TWNK: variants seen among roughly 807,000 people sequenced by gnomAD.
TWNK encodes the protein twinkle mtDNA helicase.
Under a neutral mutation model 58.2 loss-of-function variants are expected in TWNK, and 36 were observed. The observed-to-expected ratio is 0.62, with a 90% CI of 0.47 to 0.82. The LOEUF (loss-of-function observed/expected upper bound fraction) is 0.82, where lower values mean the gene tolerates loss of function less well. TWNK is among the 40% of genes least tolerant of loss of function. The pLI, the probability that TWNK is intolerant of heterozygous loss-of-function variation, is 0.00. For synonymous variants in TWNK, 349 were observed against 348.5 expected (o/e 1.00, Z -0.02); for missense variants, 714 against 881.0 (o/e 0.81, Z 2.40).
intron 2 of TWNK, among the ~76,000 whole-genome samples, 167 bp from the exon 3 acceptor site, chr10:100,990,269 C>T (rs1851732128): frequency 6.6e-6 from 1 of 152,314 alleles, no homozygotes; most frequent in South Asian, 2.1e-4. Flanking sequence ...GCTGTGATCA[C>T]ACCACTGCAC....
chr10:100,989,852 T>C lies in TWNK; in HGVS notation c.1452T>C (p.Tyr484=), dbSNP rs1253974186. 6.2e-7 allele frequency: 1 copy of C among 1,614,198 alleles called. No homozygotes were observed. Among genetic ancestry groups the C allele is most frequent in the Non-Finnish European group, 8.5e-7 (1 of 1,180,030 alleles). Residue 484 remains tyrosine (Y), a synonymous_variant, in exon 2 of 5, where the codon TAT becomes TAC. Transcript: ENST00000311916. The surrounding 1 kb of genome is among the most constrained non-coding windows in gnomAD (Gnocchi z 7.6). The part of the protein sequence containing the change: ...WADRFEDLPL[Y]FMTFHGQQSI... ...ACCGCTTTGAGGACCTGCCCCTCTA[T>C]TTCATGACTTTCCATGGACAGCAAA...
At position 100,989,747 on chromosome 10, in the gene TWNK, G is replaced by C. The variant is rs1213255334; in HGVS notation, c.1347G>C (p.Val449=). ...TLWGSFEISN[V]RLARVMLTQF... is the part of the protein sequence containing the mutation. ...GGGGTAGCTTCGAGATCAGCAATGTGAGACTAGCCCGGGTCATGCTGACAC... is the reference window on the plus strand; with the variant it reads ...GGGGTAGCTTCGAGATCAGCAATGTCAGACTAGCCCGGGTCATGCTGACAC... Residue 449 remains valine, a synonymous_variant, in exon 2 of 5, where the codon GTG becomes GTC. Coordinates refer to ENST00000311916, the MANE Select transcript of TWNK (RefSeq NM_021830.5). This position sits in a 1 kb window ranked among gnomAD's most constrained non-coding sequence, Gnocchi z 7.6. 2 of 1,614,232 alleles carry C rather than the reference G, an allele frequency of 1.2e-6. No homozygotes were observed. Among genetic ancestry groups the C allele is most frequent in the East Asian group, 2.2e-5 (1 of 44,882 alleles).
At chr10:100,992,752 G>A (rs1851816364) in intron 4 of TWNK, among the ~76,000 whole-genome samples, 1 of 151,806 alleles carries the variant, frequency 6.6e-6, no homozygotes, top group Admixed American at 6.6e-5. Context: ...CTTTGGTCAT[G>A]GGGGGAAGTA....
chr10:100,993,530 A>G lies in TWNK; in HGVS notation c.*20A>G. On this transcript the variant is annotated 3_prime_UTR_variant, in exon 5 of 5. Transcript: ENST00000311916. ...AAGTGAAGGCCGTGCAGAGCTGGTC[A>G]CTGAAATGAGCCTGATAGGATAGGC... 3 of 1,613,668 alleles carry G rather than the reference A, an allele frequency of 1.9e-6. No homozygotes were observed. The highest frequency in any genetic ancestry group is 1.1e-5 in the South Asian group (1 of 91,062).
At position 100,993,802 on chromosome 10, in the gene TWNK, G is replaced by C. The variant is rs1949318440; in HGVS notation, c.*292G>C. The C allele has an allele frequency of 2.1e-6, 1 of 470,412 alleles. No homozygotes were observed. The highest frequency in any genetic ancestry group is 3.8e-5 in the East Asian group (1 of 26,146). The allele number at this position is 470,412 out of a possible 1,614,324, so 29.1% of individuals were successfully genotyped here. On this transcript the variant is annotated 3_prime_UTR_variant, in exon 5 of 5. Coordinates refer to ENST00000311916, the MANE Select transcript of TWNK (RefSeq NM_021830.5). ...AGACAAGCAAGCAATGAACAAATTA[G>C]CAGAAAACCTAGTTTTAGTGAAAAA... is the stretch of plus-strand genomic sequence containing the variant.
Position 100,988,825 on chromosome 10 carries a change from C to T in TWNK, c.615C>T (p.Val205=). The change falls in exon 1 of 5, where the codon GTC becomes GTT. Residue 205 remains valine, a synonymous_variant. Transcript: ENST00000311916. The surrounding 1 kb of genome is among the most constrained non-coding windows in gnomAD (Gnocchi z 5.2). ...ATCTGCGACCTGCTCGCAGTCTTGTCTTCCCTTGGTTCTCCCCTGGGGGCT... is the reference window on the plus strand; with the variant it reads ...ATCTGCGACCTGCTCGCAGTCTTGTTTTCCCTTGGTTCTCCCCTGGGGGCT... The part of the protein sequence containing the change: ...VRYLRPARSL[V]FPWFSPGGSG... The T allele has an allele frequency of 6.2e-7, 1 of 1,614,206 alleles. No homozygotes were observed. Among genetic ancestry groups the T allele is most frequent in the Admixed American group, 1.7e-5 (1 of 60,030 alleles).
intron 3 of TWNK, 85 bp downstream of exon 3, chr10:100,990,628 C>T: frequency 1.9e-6 from 3 of 1,610,858 alleles, no homozygotes; most frequent in South Asian, 1.1e-5. Context: ...TCTAGGCACA[C>T]ATGCTGTGCT....
At position 100,988,809 on chromosome 10, in the gene TWNK, C is replaced by T; in HGVS notation, c.599C>T (p.Pro200Leu). The change falls in exon 1 of 5, where the codon CCT (proline) becomes CTT (leucine). Residue 200 changes from proline to leucine, a missense_variant. Around this residue, in one of 3 missense-constraint regions of TWNK, gnomAD observed 348 missense variants for 388.4 expected, o/e 0.90. Coordinates refer to ENST00000311916, the MANE Select transcript of TWNK (RefSeq NM_021830.5). This position sits in a 1 kb window ranked among gnomAD's most constrained non-coding sequence, Gnocchi z 5.2. ...CGTTTCAGTGTGCGATATCTGCGACCTGCTCGCAGTCTTGTCTTCCCTTGG... is the reference window on the plus strand; with the variant it reads ...CGTTTCAGTGTGCGATATCTGCGACTTGCTCGCAGTCTTGTCTTCCCTTGG... ...LKRFSVRYLRPARSLVFPWFS... is the reference protein window; with the variant it reads ...LKRFSVRYLRLARSLVFPWFS... 1 of 1,614,212 alleles carries T rather than the reference C, an allele frequency of 6.2e-7. No individual in the cohort carries two copies. Among genetic ancestry groups the T allele is most frequent in the Non-Finnish European group, 8.5e-7 (1 of 1,180,040 alleles).
Position 100,988,300 on chromosome 10 carries a change from C to G in TWNK, c.90C>G (p.Asn30Lys). Residue 30 changes from asparagine to lysine, a missense_variant, in exon 1 of 5, where the codon AAC (asparagine) becomes AAG (lysine). This residue lies in a region of TWNK where 348 missense variants were observed against 388.4 expected (regional missense o/e 0.90). Coordinates refer to ENST00000311916, the MANE Select transcript of TWNK (RefSeq NM_021830.5). This position sits in a 1 kb window ranked among gnomAD's most constrained non-coding sequence, Gnocchi z 5.2. ...TGGGTCGGAGGGGCCTGCCCCGAAACTTGGCCCCAGGCCCTCCTCGCAGAC... is the reference window on the plus strand; with the variant it reads ...TGGGTCGGAGGGGCCTGCCCCGAAAGTTGGCCCCAGGCCCTCCTCGCAGAC... ...EWMGRRGLPR[N>K]LAPGPPRRRY... is the part of the protein sequence containing the mutation. 6.2e-7 allele frequency: 1 copy of G among 1,614,210 alleles called. No homozygotes were observed. The highest frequency in any genetic ancestry group is 8.5e-7 in the Non-Finnish European group (1 of 1,180,042).
chr10:100,987,896 A>G lies in TWNK; in HGVS notation c.-315A>G. ...AGCAGTAGAGGTGAGAAGATGATGC[A>G]AAGAAACTGTGTCAGTGAGGAACTG... On this transcript the variant is annotated 5_prime_UTR_variant, in exon 1 of 5. Coordinates refer to ENST00000311916, the MANE Select transcript of TWNK (RefSeq NM_021830.5). 1 of 600,174 alleles carries G rather than the reference A, an allele frequency of 1.7e-6. No homozygotes were observed. The highest frequency in any genetic ancestry group is 4.4e-4 in the Middle Eastern group (1 of 2,268). The allele number at this position is 600,174 out of a possible 1,614,324, so 37.2% of individuals were successfully genotyped here.
rs371701332 is a variant in TWNK at position 100,990,524 on chromosome 10, G to A, written c.1573G>A (p.Glu525Lys). 9.3e-6 allele frequency: 15 copies of A among 1,614,014 alleles called. No homozygotes were observed. Among genetic ancestry groups the A allele is most frequent in the South Asian group, 5.5e-5 (5 of 91,054 alleles). ...CAACCTGCAGTTCATGATGGGTCAC[G>A]AGCAGCTGTCCACAGACAGGTGACG... ...IDNLQFMMGH[E>K]QLSTDRIAAQ... Residue 525 changes from glutamate to lysine, a missense_variant, in exon 3 of 5, where the codon GAG (glutamate) becomes AAG (lysine). Glu to Lys is a moderately conservative substitution (Grantham distance 56, BLOSUM62 1). Transcript: ENST00000311916.
rs1851611463 is a variant in TWNK, at chr10:100,987,775, C to G, written c.-436C>G. The G allele has an allele frequency of 1.7e-6, 1 of 578,528 alleles. No individual in the cohort carries two copies. 35.8% of individuals were successfully genotyped at this position (578,528 alleles called of 1,614,324 possible). A position where few individuals can be genotyped will look rare whatever the true frequency, so the allele number is the denominator to read the frequency against. On this transcript the variant is annotated 5_prime_UTR_variant, in exon 1 of 5. Transcript: ENST00000311916. The stretch of plus-strand genomic sequence containing the variant: ...AGGTCCCAGTGAGGGGAAGGAGAAG[C>G]GGAAGAGGGTCTCTAGTCGGGGCCT...
Position 100,987,688 on chromosome 10 carries a change from G to C in TWNK, c.-523G>C, listed in dbSNP as rs1851607375. 1.7e-6 allele frequency: 1 copy of C among 601,282 alleles called. No homozygotes were observed. Among genetic ancestry groups the C allele is most frequent in the Admixed American group, 3.1e-5 (1 of 32,708 alleles). The allele number at this position is 601,282 out of a possible 1,614,324, so 37.2% of individuals were successfully genotyped here. ...GAGTGAAGACACGGGGGAGGATAGAGACTGGCATTCCTTTGGGCCGGGGGA... is the reference window on the plus strand; with the variant it reads ...GAGTGAAGACACGGGGGAGGATAGACACTGGCATTCCTTTGGGCCGGGGGA... On this transcript the variant is annotated 5_prime_UTR_variant, in exon 1 of 5. Transcript: ENST00000311916.
In TWNK at chr10:100,990,562, CTT is replaced by C. The variant is rs1330408041; in HGVS notation, c.1592+20_1592+21del. The stretch of plus-strand genomic sequence containing the variant: ...CAGACAGGTGACGGTGACATCCTCT[CTT>C]GTCTAGCTTGAGCCCGCTTGGACAT... On this transcript the variant is annotated intron_variant, in intron 3 of 4. Transcript: ENST00000311916. 4 of 1,613,796 alleles carry C rather than the reference CTT, an allele frequency of 2.5e-6. No homozygotes were observed. The African/African-American group carries it at 4.0e-5, about 16-fold the overall frequency.
In TWNK at chr10:100,989,515, G is replaced by A; in HGVS notation, c.1243+62G>A. The A allele has an allele frequency of 6.2e-7, 1 of 1,610,128 alleles. No individual in the cohort carries two copies. The highest frequency in any genetic ancestry group is 8.5e-7 in the Non-Finnish European group (1 of 1,179,072). Reference sequence around the variant, plus strand: ...GCAGAAGATCAGGTGACAAAAGCAAGTGGGTTTGGGCCATGACAATGTTGA... The same window carrying A: ...GCAGAAGATCAGGTGACAAAAGCAAATGGGTTTGGGCCATGACAATGTTGA... On this transcript the variant is annotated intron_variant, in intron 1 of 4. Coordinates refer to ENST00000311916, the MANE Select transcript of TWNK (RefSeq NM_021830.5). The surrounding 1 kb of genome is among the most constrained non-coding windows in gnomAD (Gnocchi z 7.6).
intron 4 of TWNK, 198 bp downstream of exon 4, chr10:100,991,208 C>T (rs1361903498): frequency 4.1e-6 from 3 of 731,668 alleles, no homozygotes; most frequent in Non-Finnish European, 6.6e-6. Flanking sequence ...CTTCTTGTCC[C>T]CCAGGAGCTC....
At position 100,993,364 on chromosome 10, in the gene TWNK, C is replaced by T. The variant is rs755985090; in HGVS notation, c.1909C>T (p.Arg637Trp). The stretch of plus-strand genomic sequence containing the variant: ...CTCCATTCCACCAAAGAACAAGGCC[C>T]GGCTCAAGAAGATCAAGGATGACAC... ...TFSIPPKNKARLKKIKDDTGP... is the reference protein window; with the variant it reads ...TFSIPPKNKAWLKKIKDDTGP... The change falls in exon 5 of 5, where the codon CGG becomes TGG. Residue 637 changes from arginine (R) to tryptophan (W), a missense_variant. Arg to Trp is a moderately radical substitution (Grantham distance 101). Transcript: ENST00000311916. The T allele has an allele frequency of 1.1e-5, 17 of 1,614,074 alleles. No homozygotes were observed. The highest frequency in any genetic ancestry group is 2.2e-5 in the East Asian group (1 of 44,906).
intron 2 of TWNK, 103 bp from the exon 3 acceptor site, chr10:100,990,333 G>A: frequency 1.2e-6 from 1 of 845,346 alleles, no homozygotes; most frequent in South Asian, 1.3e-5. Context: ...AATAATAATA[G>A]AAGGGCAGAG....
At chr10:100,990,293 A>G (rs1851732791) in intron 2 of TWNK, 143 bp from the exon 3 acceptor site, 1 of 759,230 alleles carries the variant, frequency 1.3e-6, no homozygotes. Flanking sequence ...AGCCTGGGCT[A>G]CAGAGCAAGA....
Sources: allele counts gnomAD v4.1 joint callset (sites outside exome capture counted in the v4.1 genomes callset), GRCh38; gene constraint gnomAD v4.1.1; regional missense constraint gnomAD v4.1.1; non-coding constraint Gnocchi (gnomAD v3.1); transcripts MANE v1.5; gene names NCBI Gene and HGNC (gene_info 2026-07-23, HGNC 2026-07-21).